TLN2: variants seen among roughly 807,000 people sequenced by gnomAD.
The protein encoded by TLN2 is talin 2.
In TLN2, 118 loss-of-function variants were observed where a neutral mutation model predicts 294.7. The ratio of observed to expected loss-of-function variants is 0.40; its 90% CI spans 0.34 to 0.47. The LOEUF (loss-of-function observed/expected upper bound fraction) is 0.47. TLN2 is among the 20% of genes least tolerant of loss of function. TLN2 has a pLI of 0.84. For synonymous variants in TLN2, 1,431 were observed against 1,304.5 expected (o/e 1.10, Z -2.09); for missense variants, 3,083 against 3,282.2 (o/e 0.94, Z 1.48).
At chr15:62,836,631 C>T (rs2141260137) in intron 57 of TLN2, among the ~76,000 whole-genome samples, 1 of 151,736 alleles carries the variant, frequency 6.6e-6, no homozygotes, top group African/African-American at 2.4e-5. Flanking sequence ...TTTCCCAGAG[C>T]CCAGAGAACA....
rs527684080 is a variant in TLN2, at chr15:62,811,323, A to G, written c.6771+1291A>G. 7.2e-5 allele frequency among the ~76,000 whole-genome samples: 11 copies of G among 152,338 alleles called. No individual in the cohort carries two copies. The South Asian group carries it at 2.3e-3, about 32-fold the overall frequency. On this transcript the variant is annotated intron_variant, in intron 52 of 58. Coordinates refer to ENST00000636159, the MANE Select transcript of TLN2 (RefSeq NM_015059.3). Reference sequence around the variant, plus strand: ...AGTGTATCATATGTAGGCCAAGGAAAGACATCTTAGCCAGTCAGCATTCAC... The same window carrying G: ...AGTGTATCATATGTAGGCCAAGGAAGGACATCTTAGCCAGTCAGCATTCAC...
chr15:62,574,579 CAAAAAAAAAAAAAAAAAAAAAAA>C (rs56279063), intron 1 of TLN2, among the ~76,000 whole-genome samples: 8,190 of 46,554 alleles, frequency 0.18, 469 homozygotes, highest in Non-Finnish European at 0.23. Flanking sequence ...GACCCTGTCT[CAAAAAAAAAAAAAAAAAAAAAAA>C]AAAAAAAAAA....
chr15:62,556,745 A>G (rs1339842392), intron 1 of TLN2, among the ~76,000 whole-genome samples: 1 of 152,088 alleles, frequency 6.6e-6, no homozygotes, highest in Non-Finnish European at 1.5e-5. Context: ...TTCTGTCTGC[A>G]TTGGTTAGAG....
At chr15:62,439,973 T>G (rs1366657704) in intron 1 of TLN2, among the ~76,000 whole-genome samples, 3 of 152,136 alleles carry the variant, frequency 2.0e-5, no homozygotes, top group South Asian at 4.1e-4. Context: ...GATGATACCA[T>G]GCAAGGCAGG....
chr15:62,841,593 T>C lies in TLN2; in HGVS notation c.*983T>C, dbSNP rs1211064019. 6.6e-6 allele frequency: 1 copy of C among 152,170 alleles called. No homozygotes were observed. The highest frequency in any genetic ancestry group is 1.9e-4 in the East Asian group (1 of 5,196). The allele number at this position is 152,170 out of a possible 1,614,324, so 9.4% of individuals were successfully genotyped here. Reference sequence around the variant, plus strand: ...CCTGTCCTCCAACCCAAAACGCCTTTTTTTCTGTCTTAATATCCAGAAAAT... The same window carrying C: ...CCTGTCCTCCAACCCAAAACGCCTTCTTTTCTGTCTTAATATCCAGAAAAT... On this transcript the variant is annotated 3_prime_UTR_variant, in exon 59 of 59. Coordinates refer to ENST00000636159, the MANE Select transcript of TLN2 (RefSeq NM_015059.3).
chr15:62,394,082 A>C (rs768884788), intron 1 of TLN2, among the ~76,000 whole-genome samples: 7 of 152,130 alleles, frequency 4.6e-5, no homozygotes, highest in Non-Finnish European at 7.4e-5. Context: ...GGCCAACCTG[A>C]TTCTTAATCA....
At chr15:62,418,777 A>C (rs1049262129) in intron 1 of TLN2, among the ~76,000 whole-genome samples, 1 of 152,212 alleles carries the variant, frequency 6.6e-6, no homozygotes, top group South Asian at 2.1e-4. Flanking sequence ...GGAGAATGAT[A>C]AAGAACCTTC....
intron 16 of TLN2, among the ~76,000 whole-genome samples, 161 bp downstream of exon 16, chr15:62,699,028 T>C (rs1387764220): frequency 6.6e-5 from 10 of 152,110 alleles, no homozygotes; most frequent in Admixed American, 5.9e-4. Flanking sequence ...GTTGCACCCA[T>C]AGGAGGAGAG....
intron 32 of TLN2, among the ~76,000 whole-genome samples, chr15:62,747,040 A>G (rs1206450386): frequency 2.0e-5 from 3 of 152,236 alleles, no homozygotes; most frequent in Non-Finnish European, 4.4e-5. Flanking sequence ...TGTCTTTTCA[A>G]CAAATGGGGC....
At chr15:62,535,671 TC>T (rs2041306748) in intron 1 of TLN2, among the ~76,000 whole-genome samples, 1 of 151,482 alleles carries the variant, frequency 6.6e-6, no homozygotes, top group South Asian at 2.1e-4. Flanking sequence ...TTCTCCTGCC[TC>T]AGCCACTGGA....
chr15:62,624,630 C>CT (rs10656198), intron 3 of TLN2, among the ~76,000 whole-genome samples: 1 of 152,086 alleles, frequency 6.6e-6, no homozygotes, highest in African/African-American at 2.4e-5. Context: ...TTTTCCTCTG[C>CT]TTGTCAGGTT....
At chr15:62,762,628 C>T (rs548056355) in intron 39 of TLN2, among the ~76,000 whole-genome samples, 175 bp downstream of exon 39, 2 of 152,290 alleles carry the variant, frequency 1.3e-5, no homozygotes, top group East Asian at 1.9e-4. Flanking sequence ...AAGTACTTAC[C>T]ATATACCAAA....
chr15:62,647,471 T>A (rs779158349), intron 4 of TLN2, 25 bp downstream of exon 4: 2 of 1,612,742 alleles, frequency 1.2e-6, no homozygotes, highest in African/African-American at 2.7e-5. Flanking sequence ...ATTTACTGGC[T>A]TCTTAAAACG....
intron 32 of TLN2, among the ~76,000 whole-genome samples, chr15:62,741,283 G>A (rs1176789600): frequency 6.6e-6 from 1 of 152,178 alleles, no homozygotes; most frequent in Non-Finnish European, 1.5e-5. Context: ...GAGTAGGGAG[G>A]CAGTGGGAAT....
intron 32 of TLN2, among the ~76,000 whole-genome samples, chr15:62,743,441 G>T (rs1248197745): frequency 2.6e-5 from 4 of 152,124 alleles, no homozygotes; most frequent in Non-Finnish European, 1.5e-5. Flanking sequence ...TTTTTCCTCT[G>T]TTCTTAATTC....
At chr15:62,486,452 GTTTTTTTTTT>G (rs34975634) in intron 1 of TLN2, among the ~76,000 whole-genome samples, 1 of 93,292 alleles carries the variant, frequency 1.1e-5, no homozygotes, top group African/African-American at 4.2e-5. Flanking sequence ...CAGTTCCTTT[GTTTTTTTTTT>G]TTTTTTTTTT....
intron 1 of TLN2, among the ~76,000 whole-genome samples, chr15:62,580,548 C>G (rs945738143): frequency 6.6e-6 from 1 of 152,026 alleles, no homozygotes. Context: ...GTAGCCGGTA[C>G]TATAGGCGCA....
intron 42 of TLN2, among the ~76,000 whole-genome samples, chr15:62,771,359 A>C (rs915633894): frequency 9.2e-5 from 14 of 152,230 alleles, no homozygotes; most frequent in Admixed American, 9.2e-4. Flanking sequence ...TGTGTAGACA[A>C]GTGTCCTTGG....
chr15:62,627,593 G>A (rs143226955), intron 3 of TLN2, among the ~76,000 whole-genome samples: 10 of 152,314 alleles, frequency 6.6e-5, no homozygotes, highest in African/African-American at 1.9e-4. Flanking sequence ...ACTGCTGTGT[G>A]TGAGACACAT....
Sources: gnomAD v4.1 joint callset for allele counts (sites outside exome capture counted in the v4.1 genomes callset) on GRCh38, gnomAD v4.1.1 for gene constraint, MANE v1.5 for transcripts, NCBI Gene and HGNC (gene_info 2026-07-23, HGNC 2026-07-21) for gene names.